Variants in HECTD3 observed in about 807,000 individuals in gnomAD.
HECTD3 encodes E3 ubiquitin-protein ligase HECTD3.
Under a neutral mutation model 109.3 loss-of-function variants are expected in HECTD3, and 72 were observed. The observed-to-expected ratio is 0.66, with a 90% CI of 0.54 to 0.80. The LOEUF (loss-of-function observed/expected upper bound fraction) is 0.80, where lower values mean the gene tolerates loss of function less well. Among genes scored for constraint, HECTD3 ranks in the 30% least tolerant of loss-of-function variants. The probability of loss-of-function intolerance (pLI) is 0.00; values close to 1 mark genes in which losing one functional copy is unlikely to be tolerated. For synonymous variants in HECTD3, 481 were observed against 471.8 expected (o/e 1.02, Z -0.25); for missense variants, 1,041 against 1,165.2 (o/e 0.89, Z 1.55).
chr1:45,004,585 G>C lies in HECTD3; in HGVS notation c.2142+15C>G. ...GGGGCCAAAGCTCTCTGCTCTACTA[G>C]CCTCTGGGTACTACCTGCTCCTTGC... is the stretch of plus-strand genomic sequence containing the variant. On this transcript the variant is annotated intron_variant, in intron 16 of 20. Coordinates refer to ENST00000372172, the MANE Select transcript of HECTD3 (RefSeq NM_024602.6). 6.2e-7 allele frequency: 1 copy of C among 1,613,564 alleles called. No individual in the cohort carries two copies. The highest frequency in any genetic ancestry group is 8.5e-7 in the Non-Finnish European group (1 of 1,179,756).
At position 45,006,765 on chromosome 1, in the gene HECTD3, A is replaced by T; in HGVS notation, c.1652T>A (p.Met551Lys). ...GGGFRDSLADMSEELCPSSAD... is the reference protein window; with the variant it reads ...GGGFRDSLADKSEELCPSSAD... ...TGAGCTAGGGCACAGCTCTTCTGAC[A>T]TATCTGCCAGGCTGTCCCGGAAACC... Residue 551 changes from methionine to lysine, a missense_variant, in exon 13 of 21, where the codon ATG (methionine) becomes AAG (lysine). Met to Lys is a moderately conservative substitution (Grantham distance 95). This residue lies in a region of HECTD3 where 569 missense variants were observed against 715.3 expected (regional missense o/e 0.80). Transcript: ENST00000372172. The surrounding 1 kb of genome is among the most constrained non-coding windows in gnomAD (Gnocchi z 4.7). 6.2e-7 allele frequency: 1 copy of T among 1,613,742 alleles called. No homozygotes were observed. Among genetic ancestry groups the T allele is most frequent in the Non-Finnish European group, 8.5e-7 (1 of 1,179,800 alleles).
rs1357981266 is a variant in HECTD3, at chr1:45,003,255, G to C, written c.*237C>G. ...GCTTGTGGAAGATTCCCTCTTAAGAGGTGAAATACCTCGGGAAGCAAGCCC... is the reference window on the plus strand; with the variant it reads ...GCTTGTGGAAGATTCCCTCTTAAGACGTGAAATACCTCGGGAAGCAAGCCC... On this transcript the variant is annotated 3_prime_UTR_variant, in exon 21 of 21. Transcript: ENST00000372172. The surrounding 1 kb of genome is among the most constrained non-coding windows in gnomAD (Gnocchi z 4.7). The C allele has an allele frequency of 3.6e-6, 2 of 550,896 alleles. No individual in the cohort carries two copies. Among genetic ancestry groups the C allele is most frequent in the Admixed American group, 6.2e-5 (2 of 32,512 alleles). 34.1% of individuals were successfully genotyped at this position (550,896 alleles called of 1,614,324 possible). A position where few individuals can be genotyped will look rare whatever the true frequency, so the allele number is the denominator to read the frequency against.
chr1:45,010,647 G>T lies in HECTD3; in HGVS notation c.429C>A (p.Cys143Ter). ...GGCGGGCTCCGCCCTCCGCCGGGCG[G>T]CACACCAGCAGCCAGCCTTCCTGCA... ...CGLQEGWLLVCRPAEGGARLV... is the reference protein window; with the variant it reads ...CGLQEGWLLV The change falls in exon 2 of 21, where the codon TGC becomes TGA. Residue 143 changes from cysteine (C) to a stop codon, truncating the protein, a stop_gained. Coordinates refer to ENST00000372172, the MANE Select transcript of HECTD3 (RefSeq NM_024602.6). LOFTEE classifies it high-confidence loss of function. The T allele has an allele frequency of 6.2e-7, 1 of 1,600,772 alleles. No homozygotes were observed.
intron 11 of HECTD3, 25 bp from the exon 12 acceptor site, chr1:45,007,040 T>C: frequency 6.2e-7 from 1 of 1,613,676 alleles, no homozygotes; most frequent in Non-Finnish European, 8.5e-7. Flanking sequence ...GGCAGATTTG[T>C]CATTATGTGG....
At position 45,003,476 on chromosome 1, in the gene HECTD3, C is replaced by T. The variant is rs1250619110; in HGVS notation, c.*16G>A. 6.2e-7 allele frequency: 1 copy of T among 1,612,448 alleles called. No individual in the cohort carries two copies. Among genetic ancestry groups the T allele is most frequent in the Admixed American group, 1.7e-5 (1 of 60,036 alleles). ...GACACGTGCAGTCTTGCTGGTCCCA[C>T]AGCCGGCGGCACGCCTCACTCCTCC... On this transcript the variant is annotated 3_prime_UTR_variant, in exon 21 of 21. Coordinates refer to ENST00000372172, the MANE Select transcript of HECTD3 (RefSeq NM_024602.6). The surrounding 1 kb of genome is among the most constrained non-coding windows in gnomAD (Gnocchi z 4.7).
chr1:45,006,267 G>A lies in HECTD3; in HGVS notation c.1726-151C>T. On this transcript the variant is annotated intron_variant, in intron 13 of 20. Transcript: ENST00000372172. The surrounding 1 kb of genome is among the most constrained non-coding windows in gnomAD (Gnocchi z 4.7). ...CTCCTCCTCTCCCTGTCTGCCCAGA[G>A]GTTGCCCTGAGCAACTCAGTCCCTC... The A allele has an allele frequency of 9.8e-7, 1 of 1,021,062 alleles. No individual in the cohort carries two copies. The highest frequency in any genetic ancestry group is 1.4e-6 in the Non-Finnish European group (1 of 698,638). The allele number at this position is 1,021,062 out of a possible 1,614,324, so 63.3% of individuals were successfully genotyped here. A position where few individuals can be genotyped will look rare whatever the true frequency, so the allele number is the denominator to read the frequency against.
chr1:45,009,254 G>C, intron 6 of HECTD3, 28 bp from the exon 7 acceptor site: 1 of 1,583,278 alleles, frequency 6.3e-7, no homozygotes, highest in Non-Finnish European at 8.7e-7. Flanking sequence ...AAGCACTTCA[G>C]ATACCTCCTG....
intron 10 of HECTD3, 53 bp downstream of exon 10, chr1:45,007,360 C>G (rs1644745356): frequency 1.2e-6 from 2 of 1,606,050 alleles, no homozygotes; most frequent in Admixed American, 3.3e-5. Flanking sequence ...CTTGGCCTAG[C>G]CCCCTTGGCC....
chr1:45,007,596 C>T lies in HECTD3; in HGVS notation c.1321-1G>A. 6.2e-7 allele frequency: 1 copy of T among 1,607,362 alleles called. No individual in the cohort carries two copies. Among genetic ancestry groups the T allele is most frequent in the Non-Finnish European group, 8.5e-7 (1 of 1,179,668 alleles). On this transcript the variant is annotated splice_acceptor_variant, in intron 9 of 20. Coordinates refer to ENST00000372172, the MANE Select transcript of HECTD3 (RefSeq NM_024602.6). LOFTEE classifies it high-confidence loss of function. Reference sequence around the variant, plus strand: ...ACAGCAGTAGGAACTGCTTCACTTGCTAGTGAGGAGAGGTGGCCAGAGCAG... The same window carrying T: ...ACAGCAGTAGGAACTGCTTCACTTGTTAGTGAGGAGAGGTGGCCAGAGCAG...
chr1:45,007,707 G>A (rs887916686), intron 9 of HECTD3, 112 bp from the exon 10 acceptor site: 1 of 884,524 alleles, frequency 1.1e-6, no homozygotes, highest in African/African-American at 1.7e-5. Context: ...TTCAAGTCTA[G>A]TCCATCCCTG....
Position 45,009,348 on chromosome 1 carries a change from T to C in HECTD3, c.989+21A>G, listed in dbSNP as rs774375997. 5.7e-6 allele frequency: 9 copies of C among 1,588,196 alleles called. No homozygotes were observed. In the African/African-American group the frequency reaches 1.2e-4, roughly 21 times the overall value. ...AGGCTTGGAACATGCCCTACTTCCC[T>C]CCCCAGGCCAGCGTGCTCACTCGTC... On this transcript the variant is annotated intron_variant, in intron 6 of 20. Coordinates refer to ENST00000372172, the MANE Select transcript of HECTD3 (RefSeq NM_024602.6).
chr1:45,009,942 T>C, intron 4 of HECTD3, 44 bp downstream of exon 4: 2 of 1,515,230 alleles, frequency 1.3e-6, no homozygotes, highest in Non-Finnish European at 8.8e-7. Context: ...CCTTGAGGGG[T>C]GTGACTATAT....
chr1:45,009,845 G>A (rs986949087), intron 4 of HECTD3, 141 bp downstream of exon 4: 17 of 1,176,432 alleles, frequency 1.4e-5, no homozygotes, highest in South Asian at 5.9e-5. Flanking sequence ...TCCTATAGAC[G>A]TCCAAGATGG....
chr1:45,009,736 G>C (rs1226045866), intron 4 of HECTD3, 53 bp from the exon 5 acceptor site: 59 of 1,406,418 alleles, frequency 4.2e-5, no homozygotes, highest in Non-Finnish European at 9.0e-6. Context: ...CCCTGCACTG[G>C]GCTTGTGCTC....
chr1:45,010,502 G>A (rs755314099), intron 2 of HECTD3, 44 bp downstream of exon 2: 2 of 1,609,862 alleles, frequency 1.2e-6, no homozygotes, highest in East Asian at 2.2e-5. Context: ...AGCCCTCCTG[G>A]CCCGGCCTTC....
chr1:45,008,398 A>G (rs1644755014), intron 8 of HECTD3, 77 bp from the exon 9 acceptor site: 1 of 1,489,094 alleles, frequency 6.7e-7, no homozygotes, highest in Non-Finnish European at 9.4e-7. Flanking sequence ...ATAAAGGGAC[A>G]GGAAAAGGCA....
rs1361312449 is a variant in HECTD3 at position 45,009,167 on chromosome 1, T to G, written c.1049A>C (p.Glu350Ala). The G allele has an allele frequency of 1.2e-6, 2 of 1,614,102 alleles. No individual in the cohort carries two copies. The highest frequency in any genetic ancestry group is 1.7e-6 in the Non-Finnish European group (2 of 1,179,978). Residue 350 changes from glutamate to alanine, a missense_variant, in exon 7 of 21, where the codon GAG becomes GCG. Physicochemically the swap from Glu to Ala is moderately radical, Grantham distance 107. Transcript: ENST00000372172. ...ACCTCGGCACTCCACGATGCGGATC[T>G]CGATGATCGGGAGGTGGACGGTCAT... ...EDMTVHLPII[E>A]IRIVECRDDG...
rs563990429 is a variant in HECTD3 at position 45,008,198 on chromosome 1, G to A, written c.1320+42C>T. On this transcript the variant is annotated intron_variant, in intron 9 of 20. Transcript: ENST00000372172. ...AAGGAATGAACAACTACGTGAGCAG[G>A]AAGGGGAAATGCCAAGACCAGCACT... 9 of 1,475,188 alleles carry A rather than the reference G, an allele frequency of 6.1e-6. No individual in the cohort carries two copies. The Admixed American group carries it at 1.2e-4, about 19-fold the overall frequency. The allele number at this position is 1,475,188 out of a possible 1,614,324, so 91.4% of individuals were successfully genotyped here.
At position 45,011,161 on chromosome 1, in the gene HECTD3, C is replaced by A; in HGVS notation, c.97G>T (p.Gly33Trp). The part of the protein sequence containing the change: ...LAEAARSLRA[G>W]RPLPAALAFV... ...GCCAGCGCTGCTGGCAGCGGCCGCC[C>A]GGCGCGGAGGCTCCGCGCTGCCTCT... The change falls in exon 1 of 21, where the codon GGG (glycine) becomes TGG (tryptophan). Residue 33 changes from glycine (G) to tryptophan (W), a missense_variant. Coordinates refer to ENST00000372172, the MANE Select transcript of HECTD3 (RefSeq NM_024602.6). The A allele has an allele frequency of 6.7e-7, 1 of 1,497,268 alleles. No individual in the cohort carries two copies. The allele number at this position is 1,497,268 out of a possible 1,614,324, so 92.7% of individuals were successfully genotyped here.
Sources: allele counts gnomAD v4.1 joint callset, GRCh38; gene constraint gnomAD v4.1.1; regional missense constraint gnomAD v4.1.1; non-coding constraint Gnocchi (gnomAD v3.1); transcripts MANE v1.5; gene names NCBI Gene and HGNC (gene_info 2026-07-23, HGNC 2026-07-21).